The following INVS variants were observed in gnomAD, a reference collection of about 807,000 sequenced individuals.
The protein encoded by INVS is inversin, also known as inversion of embryo turning homolog.
In INVS, 86 loss-of-function variants were observed where a neutral mutation model predicts 108.8. The ratio of observed to expected loss-of-function variants is 0.79; its 90% CI spans 0.66 to 0.95. INVS has a LOEUF of 0.95. Among genes scored for constraint, INVS ranks in the 40% least tolerant of loss-of-function variants. The pLI is 0.00. For missense variants in INVS, 1,169 were observed against 1,297.4 expected, an observed-to-expected ratio of 0.90 and a Z score of 1.52; for synonymous variants, 455 against 473.5, an observed-to-expected ratio of 0.96 and a Z score of 0.51.
At chr9:100,221,351 G>A (rs962788962) in intron 3 of INVS, among the ~76,000 whole-genome samples, 2 of 149,390 alleles carry the variant, frequency 1.3e-5, no homozygotes, top group African/African-American at 5.0e-5. Flanking sequence ...TACCCAGGCC[G>A]GGGTGCAGGG....
intron 7 of INVS, among the ~76,000 whole-genome samples, 183 bp from the exon 8 acceptor site, chr9:100,246,433 G>A (rs1172866709): frequency 6.6e-6 from 1 of 152,198 alleles, no homozygotes; most frequent in Non-Finnish European, 1.5e-5. Flanking sequence ...TGTAAGGACA[G>A]AGGATTGTTA....
intron 7 of INVS, among the ~76,000 whole-genome samples, chr9:100,245,900 C>T (rs1832030484): frequency 1.3e-5 from 2 of 152,096 alleles, no homozygotes; most frequent in Non-Finnish European, 2.9e-5. Context: ...TACAGTGGCT[C>T]ATGCCTGTAA....
intron 2 of INVS, among the ~76,000 whole-genome samples, chr9:100,106,389 C>T (rs553874723): frequency 4.6e-5 from 7 of 152,310 alleles, no homozygotes; most frequent in East Asian, 1.9e-4. Context: ...TCCATCAACA[C>T]TTAAACATGC....
chr9:100,172,898 A>G (rs1829586909), intron 3 of INVS, among the ~76,000 whole-genome samples: 1 of 152,200 alleles, frequency 6.6e-6, no homozygotes, highest in South Asian at 2.1e-4. Context: ...GGAAAATATG[A>G]AAGCCCAGTG....
chr9:100,260,312 C>T (rs551751639), intron 10 of INVS, among the ~76,000 whole-genome samples: 34 of 151,490 alleles, frequency 2.2e-4, no homozygotes, highest in Admixed American at 1.9e-3. Context: ...GCCTCAGCCT[C>T]CCGAGTAGCT....
chr9:100,250,737 G>T (rs1832206013), intron 8 of INVS, among the ~76,000 whole-genome samples: 1 of 152,130 alleles, frequency 6.6e-6, no homozygotes, highest in Non-Finnish European at 1.5e-5. Context: ...TGGTCTCCCT[G>T]CTTATATTCT....
chr9:100,233,468 T>A (rs901716178), intron 5 of INVS, among the ~76,000 whole-genome samples: 2 of 152,194 alleles, frequency 1.3e-5, no homozygotes, highest in Non-Finnish European at 2.9e-5. Flanking sequence ...AGGGAATGCT[T>A]CCAGTTTTGC....
intron 3 of INVS, among the ~76,000 whole-genome samples, chr9:100,174,039 T>G (rs1164986289): frequency 6.6e-6 from 1 of 152,252 alleles, no homozygotes; most frequent in Non-Finnish European, 1.5e-5. Context: ...CACATCATTT[T>G]CAGTGTCTAA....
In INVS at chr9:100,242,642, C is replaced by A. The variant is rs367575464; in HGVS notation, c.869C>A (p.Ala290Asp). 1.2e-6 allele frequency: 2 copies of A among 1,610,702 alleles called. No individual in the cohort carries two copies. The highest frequency in any genetic ancestry group is 1.7e-6 in the Non-Finnish European group (2 of 1,177,078). The change falls in exon 7 of 17, where the codon GCC becomes GAC. Residue 290 changes from alanine (A) to aspartate (D), a missense_variant. By Grantham distance (126) the Ala-to-Asp change is moderately radical (BLOSUM62 -2). Coordinates refer to ENST00000262457, the MANE Select transcript of INVS (RefSeq NM_014425.5). ...SGTIPSDSQG[A>D]TPLHYAAQSN... is the part of the protein sequence containing the mutation. ...ACTATCCCATCTGACAGCCAAGGAG[C>A]CACACCTTTGCACTATGCTGCTCAG...
intron 13 of INVS, among the ~76,000 whole-genome samples, chr9:100,288,239 C>T (rs986525859): frequency 1.3e-5 from 2 of 152,138 alleles, no homozygotes; most frequent in African/African-American, 4.8e-5. Flanking sequence ...TGGCTCTGCT[C>T]TCTGAGAAGT....
intron 1 of INVS, chr9:100,102,675 A>C (rs1827035615): frequency 6.6e-6 from 1 of 152,300 alleles, no homozygotes; most frequent in Non-Finnish European, 1.5e-5. Context: ...TGTCCACTTT[A>C]AGTTTGGCAT....
chr9:100,284,223 G>GATGT, intron 12 of INVS, 97 bp from the exon 13 acceptor site: 27 of 1,391,614 alleles, frequency 1.9e-5, no homozygotes, highest in Non-Finnish European at 2.7e-5. Flanking sequence ...TATCTCCTGT[G>GATGT]ATGTAGTAGC....
At chr9:100,212,513 C>T (rs1019603092) in intron 3 of INVS, among the ~76,000 whole-genome samples, 3 of 152,086 alleles carry the variant, frequency 2.0e-5, no homozygotes, top group Middle Eastern at 6.8e-3. Context: ...TTTCTTTTTG[C>T]TAGACCTCTC....
intron 3 of INVS, among the ~76,000 whole-genome samples, chr9:100,128,379 T>C (rs1213061283): frequency 1.3e-5 from 2 of 152,210 alleles, no homozygotes; most frequent in African/African-American, 4.8e-5. Context: ...CCTTACTCTG[T>C]GTTGCTGTTT....
At position 100,126,373 on chromosome 9, in the gene INVS, A is replaced by T; in HGVS notation, c.107-10A>T. ...TATCAAATATCACTATCTGTTTCTT[A>T]TCCTTATAGGAAACTCTGCTCTTAA... is the stretch of plus-strand genomic sequence containing the variant. On this transcript the variant is annotated splice_polypyrimidine_tract_variant and intron_variant, in intron 2 of 16. Transcript: ENST00000262457. The T allele has an allele frequency of 6.2e-7, 1 of 1,605,172 alleles. No homozygotes were observed. Among genetic ancestry groups the T allele is most frequent in the Non-Finnish European group, 8.5e-7 (1 of 1,171,908 alleles).
At position 100,297,975 on chromosome 9, in the gene INVS, C is replaced by G. The variant is rs886063272; in HGVS notation, c.3056C>G (p.Ser1019Cys). 6.2e-7 allele frequency: 1 copy of G among 1,614,210 alleles called. No homozygotes were observed. The highest frequency in any genetic ancestry group is 8.5e-7 in the Non-Finnish European group (1 of 1,180,008). The change falls in exon 16 of 17, where the codon TCT (serine) becomes TGT (cysteine). Residue 1019 changes from serine (S) to cysteine (C), a missense_variant. Physicochemically the swap from Ser to Cys is moderately radical, Grantham distance 112 (BLOSUM62 -1). Coordinates refer to ENST00000262457, the MANE Select transcript of INVS (RefSeq NM_014425.5). ...HEGKIHHPTR[S>C]VKASSVLRLN... Reference sequence around the variant, plus strand: ...GGGAAAATACATCATCCTACAAGATCTGTAAAAGCCTCTTCTGTGCTGCGT... The same window carrying G: ...GGGAAAATACATCATCCTACAAGATGTGTAAAAGCCTCTTCTGTGCTGCGT...
intron 3 of INVS, among the ~76,000 whole-genome samples, chr9:100,148,014 T>G (rs1828675812): frequency 7.8e-6 from 1 of 128,692 alleles, no homozygotes; most frequent in Admixed American, 7.8e-5. Context: ...CAAGACCCTG[T>G]CTCTACAAAA....
At position 100,145,622 on chromosome 9, in the gene INVS, G is replaced by A. The variant is rs974599890; in HGVS notation, c.273+19073G>A. On this transcript the variant is annotated intron_variant, in intron 3 of 16. Coordinates refer to ENST00000262457, the MANE Select transcript of INVS (RefSeq NM_014425.5). The stretch of plus-strand genomic sequence containing the variant: ...AGAAGGGGTAGAGACACAGAGAGAA[G>A]GAGTTGGGAGGTTCTTGCCCCCCAG... Among the ~76,000 whole-genome samples the A allele has an allele frequency of 3.9e-5, 6 of 152,046 alleles. No homozygotes were observed. The East Asian group carries it at 1.2e-3, about 29-fold the overall frequency.
At chr9:100,280,906 A>G (rs1833254087) in intron 12 of INVS, among the ~76,000 whole-genome samples, 1 of 152,186 alleles carries the variant, frequency 6.6e-6, no homozygotes, top group Non-Finnish European at 1.5e-5. Flanking sequence ...TGGGCAACAT[A>G]GGGAGACCTT....
Sources: gnomAD v4.1 joint callset for allele counts (sites outside exome capture counted in the v4.1 genomes callset) on GRCh38, gnomAD v4.1.1 for gene constraint, MANE v1.5 for transcripts, NCBI Gene and HGNC (gene_info 2026-07-23, HGNC 2026-07-21) for gene names.